Variants in KCNH1 observed in about 807,000 individuals in gnomAD.
KCNH1 encodes the protein voltage-gated delayed rectifier potassium channel KCNH1.
A neutral mutation model predicts 69.2 loss-of-function variants in KCNH1; 27 were observed. The ratio of observed to expected loss-of-function variants is 0.39; its 90% CI spans 0.29 to 0.54. The LOEUF is 0.54. Among genes scored for constraint, KCNH1 ranks in the 20% least tolerant of loss-of-function variants. KCNH1 has a pLI of 0.68. For missense variants in KCNH1, 798 were observed against 1,261.6 expected (o/e 0.63, Z 5.57); for synonymous variants, 456 against 487.7 (o/e 0.93, Z 0.86).
At chr1:210,936,061 T>A (rs1229788055) in intron 6 of KCNH1, among the ~76,000 whole-genome samples, 1 of 152,264 alleles carries the variant, frequency 6.6e-6, no homozygotes, top group Non-Finnish European at 1.5e-5. Context: ...AGTCACAGAC[T>A]GATGACAATG....
intron 6 of KCNH1, among the ~76,000 whole-genome samples, chr1:211,018,506 T>G (rs1432905468): frequency 1.3e-5 from 2 of 152,234 alleles, no homozygotes; most frequent in Admixed American, 6.5e-5. Context: ...CATGCATGCC[T>G]GCTGCTGCAG....
At chr1:210,737,210 A>G (rs1229926480) in intron 10 of KCNH1, among the ~76,000 whole-genome samples, 1 of 152,222 alleles carries the variant, frequency 6.6e-6, no homozygotes, top group African/African-American at 2.4e-5. Context: ...AAATGGTCTC[A>G]GAGCTAAGTG....
chr1:210,951,058 A>G (rs543150693), intron 6 of KCNH1, among the ~76,000 whole-genome samples: 1 of 152,330 alleles, frequency 6.6e-6, no homozygotes, highest in African/African-American at 2.4e-5. Flanking sequence ...GTCATTCTTA[A>G]TTAAAAGTCG....
intron 1 of KCNH1, among the ~76,000 whole-genome samples, chr1:211,127,210 C>T (rs1371781589): frequency 6.6e-6 from 1 of 152,136 alleles, no homozygotes; most frequent in African/African-American, 2.4e-5. Context: ...GTAAGCTAGC[C>T]TTTGCTTTTT....
chr1:210,843,171 T>G (rs575225708), intron 7 of KCNH1, among the ~76,000 whole-genome samples: 1 of 152,178 alleles, frequency 6.6e-6, no homozygotes, highest in African/African-American at 2.4e-5. Flanking sequence ...AGGAATGATA[T>G]TGCATTGGAT....
intron 7 of KCNH1, among the ~76,000 whole-genome samples, chr1:210,918,193 G>T (rs1687386692): frequency 6.6e-6 from 1 of 152,190 alleles, no homozygotes; most frequent in Non-Finnish European, 1.5e-5. Context: ...CACTCACAAA[G>T]CGGGATGCTG....
chr1:211,133,994 G>C lies in KCNH1; in HGVS notation c.-49C>G, dbSNP rs773648051. 1.3e-6 allele frequency: 2 copies of C among 1,542,656 alleles called. No individual in the cohort carries two copies. Among genetic ancestry groups the C allele is most frequent in the South Asian group, 1.1e-5 (1 of 88,698 alleles). ...CGGGCGTCCTGGCGCGGCTTCTTAC[G>C]ACAGCAGGAAACTGGCCTCGGGGCC... On this transcript the variant is annotated 5_prime_UTR_variant, in exon 1 of 11. Coordinates refer to ENST00000271751, the MANE Select transcript of KCNH1 (RefSeq NM_172362.3). This position sits in a 1 kb window ranked among gnomAD's most constrained non-coding sequence, Gnocchi z 5.4.
chr1:210,737,325 T>C (rs992922399), intron 10 of KCNH1, among the ~76,000 whole-genome samples: 11 of 152,218 alleles, frequency 7.2e-5, no homozygotes, highest in Non-Finnish European at 1.6e-4. Context: ...ATTTCTGTGG[T>C]CTGGGTGTAT....
At chr1:211,052,209 C>T (rs1209779929) in intron 5 of KCNH1, among the ~76,000 whole-genome samples, 1 of 152,226 alleles carries the variant, frequency 6.6e-6, no homozygotes, top group Non-Finnish European at 1.5e-5. Context: ...AAAGAGAGAG[C>T]TGATCAGACG....
intron 5 of KCNH1, among the ~76,000 whole-genome samples, chr1:211,023,148 AAATAAATAAATAAATT>A (rs779675495): frequency 0.088 from 13,057 of 148,004 alleles, 763 homozygotes; most frequent in African/African-American, 0.13. Flanking sequence ...ATAAATAAAT[AAATAAATAAATAAATT>A]AAAAATGCTG....
intron 1 of KCNH1, among the ~76,000 whole-genome samples, chr1:211,124,574 G>A (rs1691745424): frequency 6.6e-6 from 1 of 152,068 alleles, no homozygotes; most frequent in African/African-American, 2.4e-5. Context: ...CCGAGATCGC[G>A]CCACTGCACT....
intron 7 of KCNH1, among the ~76,000 whole-genome samples, chr1:210,840,326 TCTC>T (rs1685379758): frequency 6.6e-6 from 1 of 152,166 alleles, no homozygotes; most frequent in Non-Finnish European, 1.5e-5. Context: ...CAGCAGTTGT[TCTC>T]CTGATTGCTT....
rs370915167 is a variant in KCNH1, at chr1:210,679,104, T to C, written c.*4177A>G. ...CACCTTTGGTGAGAAAATGTTTTTT[T>C]CTCTGATGTTTGCAGTCAGTGCTGA... On this transcript the variant is annotated 3_prime_UTR_variant, in exon 11 of 11. Transcript: ENST00000271751. 1 of 152,366 alleles carries C rather than the reference T, an allele frequency of 6.6e-6. No individual in the cohort carries two copies. Among genetic ancestry groups the C allele is most frequent in the East Asian group, 1.9e-4 (1 of 5,194 alleles). 9.4% of individuals were successfully genotyped at this position (152,366 alleles called of 1,614,324 possible).
At chr1:210,736,697 C>T (rs182710561) in intron 10 of KCNH1, among the ~76,000 whole-genome samples, 2 of 152,186 alleles carry the variant, frequency 1.3e-5, no homozygotes, top group African/African-American at 4.8e-5. Flanking sequence ...CCAAATAATC[C>T]TGAGCATCTA....
chr1:211,128,183 G>A (rs1691815145), intron 1 of KCNH1, among the ~76,000 whole-genome samples: 1 of 151,804 alleles, frequency 6.6e-6, no homozygotes, highest in African/African-American at 2.4e-5. Context: ...CAGCTACTCA[G>A]GAGGCTGAGG....
intron 10 of KCNH1, among the ~76,000 whole-genome samples, chr1:210,743,841 G>A (rs921609052): frequency 1.3e-5 from 2 of 152,164 alleles, no homozygotes; most frequent in African/African-American, 2.4e-5. Context: ...CTGGGAGCCC[G>A]CTCTGCAACA....
chr1:210,950,121 C>G (rs1028576862), intron 6 of KCNH1, among the ~76,000 whole-genome samples: 5 of 152,226 alleles, frequency 3.3e-5, no homozygotes, highest in African/African-American at 1.2e-4. Flanking sequence ...ACAGCCTCTT[C>G]TTGGTCTCCC....
rs150298591 is a variant in KCNH1 at position 210,893,329 on chromosome 1, T to C, written c.1462+26311A>G. Among the ~76,000 whole-genome samples, 261 of 152,300 alleles carry C rather than the reference T, an allele frequency of 1.7e-3. 3 individuals are homozygous for C. Among genetic ancestry groups the C allele is most frequent in the African/African-American group, 5.9e-3 (244 of 41,568 alleles). On this transcript the variant is annotated intron_variant, in intron 7 of 10. Transcript: ENST00000271751. Reference sequence around the variant, plus strand: ...TTTTAGTACTTTAAAGATGGTGCTCTATTGTTTTCTACTTGCATTCTTTCT... The same window carrying C: ...TTTTAGTACTTTAAAGATGGTGCTCCATTGTTTTCTACTTGCATTCTTTCT...
chr1:210,991,632 CATA>C (rs1433132366), intron 6 of KCNH1, among the ~76,000 whole-genome samples: 2 of 144,904 alleles, frequency 1.4e-5, no homozygotes, highest in African/African-American at 5.1e-5. Context: ...CACACACACA[CATA>C]ACACATACAC....
Sources: allele counts gnomAD v4.1 joint callset (sites outside exome capture counted in the v4.1 genomes callset), GRCh38; gene constraint gnomAD v4.1.1; non-coding constraint Gnocchi (gnomAD v3.1); transcripts MANE v1.5; gene names NCBI Gene and HGNC (gene_info 2026-07-23, HGNC 2026-07-21).